Variants in CNTN4 observed in about 807,000 individuals in gnomAD.
CNTN4 encodes contactin 4.
CNTN4 carries 77 observed loss-of-function variants against 122.5 expected under a neutral mutation model. That is an observed-to-expected ratio of 0.63 (90% CI 0.52 to 0.76). The LOEUF (loss-of-function observed/expected upper bound fraction) is 0.76, where lower values mean the gene tolerates loss of function less well. CNTN4 is among the 30% of genes least tolerant of loss of function. CNTN4 has a pLI of 0.00. For synonymous variants in CNTN4, 512 were observed against 447.0 expected (o/e 1.15, Z -1.83); for missense variants, 1,256 against 1,259.1 (o/e 1.00, Z 0.04).
At chr3:3,004,364 AT>A (rs776094958) in intron 14 of CNTN4, among the ~76,000 whole-genome samples, 12 of 152,126 alleles carry the variant, frequency 7.9e-5, no homozygotes, top group Non-Finnish European at 1.6e-4. Flanking sequence ...CTGTTGGAGA[AT>A]AGTCCCCCCA....
At chr3:2,207,198 G>A (rs2038399358) in intron 2 of CNTN4, among the ~76,000 whole-genome samples, 1 of 151,834 alleles carries the variant, frequency 6.6e-6, no homozygotes, top group Non-Finnish European at 1.5e-5. Context: ...TCTCTCTTAG[G>A]ACCTCCCTAT....
At chr3:2,442,835 C>T (rs2048487818) in intron 3 of CNTN4, among the ~76,000 whole-genome samples, 2 of 152,084 alleles carry the variant, frequency 1.3e-5, no homozygotes, top group African/African-American at 2.4e-5. Context: ...AATGAGAGTG[C>T]ATCTGTTTCT....
chr3:2,259,646 C>T (rs949216797), intron 2 of CNTN4, among the ~76,000 whole-genome samples: 1 of 152,142 alleles, frequency 6.6e-6, no homozygotes, highest in Non-Finnish European at 1.5e-5. Context: ...CCTTATAAAA[C>T]CATCAGATCT....
At chr3:2,660,252 AT>A (rs2083815780) in intron 4 of CNTN4, among the ~76,000 whole-genome samples, 1 of 152,142 alleles carries the variant, frequency 6.6e-6, no homozygotes, top group Middle Eastern at 3.2e-3. Context: ...TACTCAAAAC[AT>A]TTTTTAAAAA....
At chr3:2,178,851 C>T (rs1238080518) in intron 2 of CNTN4, among the ~76,000 whole-genome samples, 2 of 151,912 alleles carry the variant, frequency 1.3e-5, no homozygotes, top group African/African-American at 4.8e-5. Context: ...GGAAGAAAAT[C>T]TCTGATTGGT....
chr3:2,557,125 G>C (rs767863036), intron 3 of CNTN4, among the ~76,000 whole-genome samples: 1 of 152,126 alleles, frequency 6.6e-6, no homozygotes. Flanking sequence ...TCTATCCTCA[G>C]ATTTTTTTTG....
chr3:2,575,154 A>C (rs1263461663), intron 4 of CNTN4, among the ~76,000 whole-genome samples: 1 of 152,058 alleles, frequency 6.6e-6, no homozygotes, highest in East Asian at 1.9e-4. Flanking sequence ...AATTATATGA[A>C]TATGTTAAAT....
At chr3:2,392,071 G>T (rs2046459617) in intron 3 of CNTN4, among the ~76,000 whole-genome samples, 1 of 152,186 alleles carries the variant, frequency 6.6e-6, no homozygotes, top group African/African-American at 2.4e-5. Context: ...CTGCTAAGCA[G>T]CGCCGAGCCA....
intron 2 of CNTN4, among the ~76,000 whole-genome samples, chr3:2,110,231 A>G (rs1177897893): frequency 6.6e-6 from 1 of 152,170 alleles, no homozygotes; most frequent in Non-Finnish European, 1.5e-5. Context: ...ACACATTCTT[A>G]CTTTTCCCAA....
intron 4 of CNTN4, among the ~76,000 whole-genome samples, chr3:2,695,376 C>A (rs2085970725): frequency 6.6e-6 from 1 of 152,248 alleles, no homozygotes; most frequent in Non-Finnish European, 1.5e-5. Flanking sequence ...TTATGCACAG[C>A]ACCTTTTCAG....
At chr3:2,310,767 A>G (rs2042885591) in intron 2 of CNTN4, among the ~76,000 whole-genome samples, 1 of 152,128 alleles carries the variant, frequency 6.6e-6, no homozygotes, top group South Asian at 2.1e-4. Context: ...TCCACTACCT[A>G]AAACTCACTC....
chr3:2,360,769 A>T (rs773493953), intron 3 of CNTN4, among the ~76,000 whole-genome samples: 13 of 152,156 alleles, frequency 8.5e-5, no homozygotes, highest in African/African-American at 1.7e-4. Context: ...CAGCATGGGG[A>T]AAACCACCCC....
intron 3 of CNTN4, among the ~76,000 whole-genome samples, chr3:2,521,743 C>T (rs377077886): frequency 2.6e-4 from 39 of 152,208 alleles, no homozygotes; most frequent in African/African-American, 7.5e-4. Flanking sequence ...TCTCTCCCTT[C>T]GGACTTCCCT....
chr3:2,153,434 G>A (rs766807917), intron 2 of CNTN4, among the ~76,000 whole-genome samples: 6 of 152,238 alleles, frequency 3.9e-5, no homozygotes, highest in Non-Finnish European at 7.3e-5. Flanking sequence ...ATTGGATGTG[G>A]TAACCTGGGG....
At chr3:2,232,622 T>C (rs2039529952) in intron 2 of CNTN4, among the ~76,000 whole-genome samples, 2 of 152,154 alleles carry the variant, frequency 1.3e-5, no homozygotes, top group African/African-American at 4.8e-5. Flanking sequence ...AATAACTCCA[T>C]AGAGTTTGTA....
chr3:2,191,356 C>G (rs1464659509), intron 2 of CNTN4, among the ~76,000 whole-genome samples: 1 of 151,612 alleles, frequency 6.6e-6, no homozygotes, highest in South Asian at 2.1e-4. Context: ...CATTACTGAT[C>G]AGTATAGCCC....
chr3:2,575,322 G>T (rs2149518821), intron 4 of CNTN4, among the ~76,000 whole-genome samples: 1 of 152,142 alleles, frequency 6.6e-6, no homozygotes, highest in South Asian at 2.1e-4. Flanking sequence ...CAGCAGTGTG[G>T]CCAACATGGC....
At chr3:2,568,571 C>T (rs1249529158) in intron 3 of CNTN4, among the ~76,000 whole-genome samples, 2 of 152,112 alleles carry the variant, frequency 1.3e-5, no homozygotes, top group Non-Finnish European at 2.9e-5. Flanking sequence ...TTGGCTCATC[C>T]TGCAGCTTTC....
chr3:2,859,147 G>C (rs866884862), intron 7 of CNTN4, among the ~76,000 whole-genome samples: 1 of 152,194 alleles, frequency 6.6e-6, no homozygotes, highest in Non-Finnish European at 1.5e-5. Flanking sequence ...ATGTGAGTGA[G>C]ATCATGCACT....
Sources: allele counts gnomAD v4.1 joint callset (sites outside exome capture counted in the v4.1 genomes callset), GRCh38; gene constraint gnomAD v4.1.1; transcripts MANE v1.5; gene names NCBI Gene and HGNC (gene_info 2026-07-23, HGNC 2026-07-21).